The following CLIP2 variants were observed in gnomAD, a reference collection of about 807,000 sequenced individuals.
CLIP2 encodes CAP-Gly domain-containing linker protein 2.
A neutral mutation model predicts 111.7 loss-of-function variants in CLIP2; 41 were observed. The ratio of observed to expected loss-of-function variants is 0.37; its 90% CI spans 0.29 to 0.48. The LOEUF (loss-of-function observed/expected upper bound fraction) is 0.48. Among genes scored for constraint, CLIP2 ranks in the 20% least tolerant of loss-of-function variants. CLIP2 has a pLI of 0.99. For synonymous variants in CLIP2, 660 were observed against 644.2 expected (o/e 1.02, Z -0.37); for missense variants, 1,160 against 1,422.1 (o/e 0.82, Z 2.96).
intron 2 of CLIP2, among the ~76,000 whole-genome samples, chr7:74,333,013 C>G (rs1419371419): frequency 6.6e-6 from 1 of 152,176 alleles, no homozygotes; most frequent in African/African-American, 2.4e-5. Flanking sequence ...CATCTGGGCG[C>G]CCTTTTTATC....
chr7:74,354,075 T>C, intron 4 of CLIP2, 71 bp downstream of exon 4: 18 of 1,515,766 alleles, frequency 1.2e-5, no homozygotes, highest in Non-Finnish European at 1.6e-5. Context: ...GGGATGGAGA[T>C]GGGACATTGG....
intron 9 of CLIP2, among the ~76,000 whole-genome samples, chr7:74,373,720 A>T (rs1053221339): frequency 3.9e-5 from 6 of 152,094 alleles, no homozygotes; most frequent in Admixed American, 2.0e-4. Context: ...AGGCAGACCT[A>T]GAAACCACTG....
intron 1 of CLIP2, among the ~76,000 whole-genome samples, chr7:74,315,351 C>T (rs765551758): frequency 8.1e-5 from 12 of 147,508 alleles, no homozygotes; most frequent in Non-Finnish European, 1.8e-4. Flanking sequence ...GCATCACACA[C>T]TTTTTTTTTT....
chr7:74,327,435 T>G (rs782599406), intron 2 of CLIP2, among the ~76,000 whole-genome samples: 28 of 152,176 alleles, frequency 1.8e-4, no homozygotes, highest in Non-Finnish European at 3.4e-4. Context: ...GAGCTCAATG[T>G]CCCTGTACCC....
At chr7:74,353,253 CTT>C (rs199943133) in intron 3 of CLIP2, among the ~76,000 whole-genome samples, 97 of 142,476 alleles carry the variant, frequency 6.8e-4, no homozygotes, top group Admixed American at 7.1e-4. Context: ...CACGAAAACC[CTT>C]TTTTTTTTTT....
At chr7:74,377,319 C>A (rs1389226799) in intron 10 of CLIP2, among the ~76,000 whole-genome samples, 2 of 152,220 alleles carry the variant, frequency 1.3e-5, no homozygotes, top group Non-Finnish European at 2.9e-5. Flanking sequence ...ACGGTGCCAA[C>A]GAGTACTTCC....
intron 16 of CLIP2, among the ~76,000 whole-genome samples, chr7:74,403,533 C>T (rs911238602): frequency 2.6e-5 from 4 of 152,210 alleles, no homozygotes; most frequent in East Asian, 1.9e-4. Context: ...CAGACCACTG[C>T]ACTCCAGCCT....
Position 74,400,362 on chromosome 7 carries a change from A to T in CLIP2, c.2881-8A>T, listed in dbSNP as rs782094336. 6.8e-5 allele frequency: 109 copies of T among 1,598,638 alleles called. 1 individual carries two copies. The South Asian group carries it at 1.2e-3, about 18-fold the overall frequency. ...TCATGTACTCTTCCACTCTCCTGCCACTTCCAGGACAAAGAGAAATCCCTG... is the reference window on the plus strand; with the variant it reads ...TCATGTACTCTTCCACTCTCCTGCCTCTTCCAGGACAAAGAGAAATCCCTG... On this transcript the variant is annotated splice_polypyrimidine_tract_variant and splice_region_variant and intron_variant, in intron 14 of 16. Transcript: ENST00000223398.
Position 74,347,087 on chromosome 7 carries a change from G to A in CLIP2, c.679-6793G>A, listed in dbSNP as rs150804382. Among the ~76,000 whole-genome samples, 312 of 151,946 alleles carry A rather than the reference G, an allele frequency of 2.1e-3. No individual in the cohort carries two copies. The East Asian group carries it at 0.026, about 12-fold the overall frequency. The stretch of plus-strand genomic sequence containing the variant: ...AAAAACACCTTAGATCCCTTGCCCC[G>A]TCCCCGTTCCTGCCTTGCCTGATGA... On this transcript the variant is annotated intron_variant, in intron 3 of 16. Transcript: ENST00000223398.
chr7:74,291,564 T>G (rs1584295904), intron 1 of CLIP2, among the ~76,000 whole-genome samples: 3 of 152,254 alleles, frequency 2.0e-5, no homozygotes, highest in Admixed American at 2.0e-4. Context: ...GCTTTTAGGG[T>G]TGTTAGGAGA....
intron 1 of CLIP2, among the ~76,000 whole-genome samples, chr7:74,313,966 T>C (rs1430542520): frequency 6.6e-6 from 1 of 152,104 alleles, no homozygotes; most frequent in African/African-American, 2.4e-5. Flanking sequence ...TAGAATTGCC[T>C]GAGGTCAGCA....
chr7:74,315,042 G>C (rs1324181121), intron 1 of CLIP2, among the ~76,000 whole-genome samples: 3 of 151,944 alleles, frequency 2.0e-5, no homozygotes, highest in Non-Finnish European at 4.4e-5. Context: ...TTTGGGAGGC[G>C]AGGCGGGAGG....
intron 5 of CLIP2, 79 bp downstream of exon 5, chr7:74,356,702 GT>G: frequency 7.5e-7 from 1 of 1,337,152 alleles, no homozygotes; most frequent in Non-Finnish European, 1.0e-6. Context: ...AGGTGTTCTG[GT>G]CTGCCCCTGA....
At chr7:74,390,163 A>AAGAAAG (rs1409111110) in intron 13 of CLIP2, among the ~76,000 whole-genome samples, 19 of 9,052 alleles carry the variant, frequency 2.1e-3, no homozygotes, top group Middle Eastern at 0.029. Context: ...AGAAAGAAAG[A>AAGAAAG]AGAAAGAAAG....
chr7:74,294,602 G>A lies in CLIP2; in HGVS notation c.-68+4868G>A, dbSNP rs189677111. On this transcript the variant is annotated intron_variant, in intron 1 of 16. Coordinates refer to ENST00000223398, the MANE Select transcript of CLIP2 (RefSeq NM_003388.5). ...CAGGAGGAGCGCCTGGTTTTTCAGC[G>A]TCACCCCCGTCACCCTGAGGTCTCA... Among the ~76,000 whole-genome samples the A allele has an allele frequency of 2.9e-3, 438 of 152,200 alleles. 1 individual carries two copies. The highest frequency in any genetic ancestry group is 4.8e-3 in the Non-Finnish European group (325 of 68,006).
chr7:74,352,383 G>A (rs1445856283), intron 3 of CLIP2, among the ~76,000 whole-genome samples: 1 of 151,800 alleles, frequency 6.6e-6, no homozygotes, highest in East Asian at 1.9e-4. Context: ...GTTGCAGTGA[G>A]CTGAGGTCGT....
At chr7:74,394,245 A>ATTTTT (rs56651501) in intron 13 of CLIP2, among the ~76,000 whole-genome samples, 10 of 117,402 alleles carry the variant, frequency 8.5e-5, no homozygotes, top group East Asian at 2.3e-4. Context: ...TTTTCTTCTT[A>ATTTTT]TTTTTTTTTT....
At chr7:74,348,372 G>A (rs1473535884) in intron 3 of CLIP2, among the ~76,000 whole-genome samples, 1 of 152,118 alleles carries the variant, frequency 6.6e-6, no homozygotes, top group African/African-American at 2.4e-5. Context: ...GCACCTCATT[G>A]TGGCTGGGTG....
At chr7:74,298,909 C>T (rs1220640494) in intron 1 of CLIP2, among the ~76,000 whole-genome samples, 1 of 152,116 alleles carries the variant, frequency 6.6e-6, no homozygotes, top group South Asian at 2.1e-4. Flanking sequence ...TCTAGGAACC[C>T]GGCATGGCAC....
Sources: gnomAD v4.1 joint callset for allele counts (sites outside exome capture counted in the v4.1 genomes callset) on GRCh38, gnomAD v4.1.1 for gene constraint, MANE v1.5 for transcripts, NCBI Gene and HGNC (gene_info 2026-07-23, HGNC 2026-07-21) for gene names.